ADGRL3: variants seen among roughly 807,000 people sequenced by gnomAD.
The protein encoded by ADGRL3 is adhesion G protein-coupled receptor L3.
In ADGRL3, 62 loss-of-function variants were observed where a neutral mutation model predicts 153.5. The ratio of observed to expected loss-of-function variants is 0.40; its 90% CI spans 0.33 to 0.50. ADGRL3 has a LOEUF of 0.50. ADGRL3 is among the 20% of genes least tolerant of loss of function. The pLI is 0.47. For synonymous variants in ADGRL3, 710 were observed against 672.5 expected, an observed-to-expected ratio of 1.06 and a Z score of -0.86; for missense variants, 1,641 against 1,859.4, an observed-to-expected ratio of 0.88 and a Z score of 2.16.
chr4:61,401,285 T>C (rs2096927512), intron 2 of ADGRL3, among the ~76,000 whole-genome samples: 1 of 151,912 alleles, frequency 6.6e-6, no homozygotes. Flanking sequence ...AAAAAGAGTG[T>C]AACAGTAAAA....
chr4:61,385,102 C>G (rs2096720798), intron 2 of ADGRL3, among the ~76,000 whole-genome samples: 1 of 152,018 alleles, frequency 6.6e-6, no homozygotes, highest in Non-Finnish European at 1.5e-5. Flanking sequence ...AACAAACCTG[C>G]CAAACATTTA....
At chr4:61,397,437 G>A (rs2096881517) in intron 2 of ADGRL3, among the ~76,000 whole-genome samples, 1 of 151,842 alleles carries the variant, frequency 6.6e-6, no homozygotes, top group Admixed American at 6.6e-5. Flanking sequence ...TGTGGGGTGG[G>A]AAATATGAAA....
At chr4:61,339,371 A>G (rs1453152860) in intron 1 of ADGRL3, among the ~76,000 whole-genome samples, 1 of 152,296 alleles carries the variant, frequency 6.6e-6, no homozygotes, top group East Asian at 1.9e-4. Flanking sequence ...TATTTTGATA[A>G]TTGTTAAACT....
intron 8 of ADGRL3, among the ~76,000 whole-genome samples, chr4:61,751,717 G>A (rs1206574993): frequency 6.6e-6 from 1 of 152,110 alleles, no homozygotes; most frequent in African/African-American, 2.4e-5. Context: ...GACTGAATAT[G>A]TATTAGATTT....
intron 6 of ADGRL3, among the ~76,000 whole-genome samples, chr4:61,692,503 C>A (rs1362889612): frequency 4.0e-5 from 6 of 150,768 alleles, no homozygotes; most frequent in South Asian, 4.2e-4. Context: ...TGTGCAATGG[C>A]CTAATACCAG....
At chr4:61,480,886 AT>A (rs2098125410) in intron 2 of ADGRL3, among the ~76,000 whole-genome samples, 4 of 152,206 alleles carry the variant, frequency 2.6e-5, no homozygotes, top group Admixed American at 2.6e-4. Flanking sequence ...CAACAAGTAT[AT>A]GAAACGGTGC....
intron 1 of ADGRL3, among the ~76,000 whole-genome samples, chr4:61,346,601 A>G (rs1486970993): frequency 1.7e-5 from 2 of 120,334 alleles, no homozygotes; most frequent in African/African-American, 5.6e-5. Context: ...CTGTCTTTAC[A>G]AAAGAAAAAT....
rs1203171189 is a variant in ADGRL3, at chr4:61,202,968, G to A, written c.-240+1203G>A. Among the ~76,000 whole-genome samples, 1 of 152,186 alleles carries A rather than the reference G, an allele frequency of 6.6e-6. No homozygotes were observed. The highest frequency in any genetic ancestry group is 1.5e-5 in the Non-Finnish European group (1 of 68,040). On this transcript the variant is annotated intron_variant, in intron 1 of 26. Transcript: ENST00000683033. This position sits in a 1 kb window ranked among gnomAD's most constrained non-coding sequence, Gnocchi z 5.0. ...TCTTAACTGGAAAATCTGGTTTGAG[G>A]AGGCCACGGGGGCCCCCGCAGGGTG...
chr4:61,644,111 T>C (rs1385869402), intron 5 of ADGRL3, among the ~76,000 whole-genome samples: 1 of 89,654 alleles, frequency 1.1e-5, no homozygotes, highest in Non-Finnish European at 2.3e-5. Context: ...TGGTAGTTTG[T>C]ATTTCTGTGG....
intron 11 of ADGRL3, among the ~76,000 whole-genome samples, chr4:61,907,662 G>A (rs920812618): frequency 6.6e-6 from 1 of 151,194 alleles, no homozygotes; most frequent in South Asian, 2.1e-4. Flanking sequence ...TATGATATAT[G>A]ATAAAAAGAG....
At chr4:61,394,696 G>T (rs566441741) in intron 2 of ADGRL3, among the ~76,000 whole-genome samples, 6 of 151,928 alleles carry the variant, frequency 3.9e-5, no homozygotes, top group Non-Finnish European at 7.4e-5. Context: ...AAGAAATAAA[G>T]AAATTGGATT....
chr4:61,932,277 C>T (rs927808910), intron 13 of ADGRL3, among the ~76,000 whole-genome samples: 9 of 152,022 alleles, frequency 5.9e-5, no homozygotes, highest in Admixed American at 2.6e-4. Context: ...AGAGGGAAAG[C>T]TTTCAGGTTT....
intron 9 of ADGRL3, among the ~76,000 whole-genome samples, chr4:61,837,645 T>C (rs1182049899): frequency 6.6e-6 from 1 of 152,110 alleles, no homozygotes; most frequent in Non-Finnish European, 1.5e-5. Flanking sequence ...GGCAGCCTCA[T>C]ATTTTTAGAA....
intron 2 of ADGRL3, among the ~76,000 whole-genome samples, chr4:61,483,346 A>C (rs962963214): frequency 2.6e-4 from 39 of 152,236 alleles, no homozygotes; most frequent in Non-Finnish European, 1.2e-4. Context: ...TTACCATTAT[A>C]AAATATACCA....
intron 17 of ADGRL3, among the ~76,000 whole-genome samples, chr4:61,975,871 G>C (rs1470457546): frequency 2.0e-5 from 3 of 152,096 alleles, no homozygotes; most frequent in Non-Finnish European, 4.4e-5. Flanking sequence ...CTAAAATGAG[G>C]AAAACAGAAG....
chr4:62,038,014 A>C lies in ADGRL3; in HGVS notation c.3717+158A>C, dbSNP rs528029472. 5.8e-4 allele frequency among the ~76,000 whole-genome samples: 88 copies of C among 152,292 alleles called. 1 individual carries two copies. The Middle Eastern group carries it at 0.01, about 18-fold the overall frequency. On this transcript the variant is annotated intron_variant, in intron 24 of 26. Transcript: ENST00000683033. ...GAATGATTCTGACAGAAATGGAAGA[A>C]ACTAAAACTGTAATAATATGATGAA... is the stretch of plus-strand genomic sequence containing the variant.
At chr4:61,497,388 C>G in intron 3 of ADGRL3, 40 bp downstream of exon 3, 1 of 1,338,900 alleles carries the variant, frequency 7.5e-7, no homozygotes, top group Non-Finnish European at 1.1e-6. Flanking sequence ...TTAATGTTGT[C>G]TCACTTATTC....
At chr4:61,599,753 A>G (rs1269917256) in intron 5 of ADGRL3, among the ~76,000 whole-genome samples, 1 of 152,186 alleles carries the variant, frequency 6.6e-6, no homozygotes, top group Non-Finnish European at 1.5e-5. Context: ...GCTAGCCTCC[A>G]GCATGAATGG....
chr4:61,860,593 C>T (rs1274713287), intron 9 of ADGRL3, among the ~76,000 whole-genome samples: 1 of 151,866 alleles, frequency 6.6e-6, no homozygotes, highest in Non-Finnish European at 1.5e-5. Flanking sequence ...TTGTTGTTGC[C>T]AGCATTATAC....
Sources: gnomAD v4.1 joint callset for allele counts (sites outside exome capture counted in the v4.1 genomes callset) on GRCh38, gnomAD v4.1.1 for gene constraint, Gnocchi (gnomAD v3.1) non-coding constraint, MANE v1.5 for transcripts, NCBI Gene and HGNC (gene_info 2026-07-23, HGNC 2026-07-21) for gene names.